Variants in METTL15 observed in about 807,000 individuals in gnomAD.
The protein encoded by METTL15 is methyltransferase 15, mitochondrial 12S rRNA N4-cytidine.
A neutral mutation model predicts 38.3 loss-of-function variants in METTL15; 34 were observed. The observed-to-expected ratio is 0.89, with a 90% CI of 0.68 to 1.18. METTL15 has a LOEUF of 1.18. Ranked by LOEUF, METTL15 falls within the 50% of genes most tolerant of loss-of-function variation. The pLI is 0.00. For missense variants in METTL15, 438 were observed against 498.4 expected (o/e 0.88, Z 1.15); for synonymous variants, 162 against 170.9 (o/e 0.95, Z 0.41).
intron 4 of METTL15, among the ~76,000 whole-genome samples, chr11:28,269,807 A>G (rs1271997479): frequency 6.6e-6 from 1 of 152,214 alleles, no homozygotes; most frequent in Admixed American, 6.5e-5. Flanking sequence ...GCATGGAGTT[A>G]AAGTCCCTTG....
At chr11:28,145,059 A>G in intron 3 of METTL15, 1 of 168,928 alleles carries the variant, frequency 5.9e-6, no homozygotes, top group Non-Finnish European at 1.3e-5. Flanking sequence ...GGCTCTGAAT[A>G]GCTGTCAGGA....
At chr11:28,209,400 C>T (rs952593141) in intron 3 of METTL15, among the ~76,000 whole-genome samples, 1 of 151,732 alleles carries the variant, frequency 6.6e-6, no homozygotes, top group South Asian at 2.1e-4. Flanking sequence ...GCCAATTCAT[C>T]GATGTGTAAA....
chr11:28,492,768 G>C (rs1389268487), intron 6 of METTL15, among the ~76,000 whole-genome samples: 1 of 152,060 alleles, frequency 6.6e-6, no homozygotes, highest in East Asian at 1.9e-4. Context: ...TCTTATGTAA[G>C]TACAGACTGG....
downstream of METTL15, among the ~76,000 whole-genome samples, chr11:28,530,099 T>C (rs1851836116): frequency 6.6e-6 from 1 of 152,130 alleles, no homozygotes; most frequent in Non-Finnish European, 1.5e-5. Flanking sequence ...TGGCCATCTA[T>C]GCAAAGATTA....
intron 4 of METTL15, among the ~76,000 whole-genome samples, chr11:28,228,064 A>C (rs566611500): frequency 3.3e-5 from 5 of 151,990 alleles, no homozygotes; most frequent in Admixed American, 6.6e-5. Context: ...CTTCTGACTT[A>C]GCCAGTATAA....
At chr11:28,218,310 C>T (rs1853005993) in intron 4 of METTL15, among the ~76,000 whole-genome samples, 1 of 152,160 alleles carries the variant, frequency 6.6e-6, no homozygotes, top group Admixed American at 6.5e-5. Flanking sequence ...GTGTTATTCT[C>T]TTTGAAGCAA....
chr11:28,163,109 C>G (rs1590843590), intron 3 of METTL15, among the ~76,000 whole-genome samples: 1 of 151,630 alleles, frequency 6.6e-6, no homozygotes, highest in Admixed American at 6.6e-5. Context: ...TAAATTAGTT[C>G]TAGATGAAAA....
intron 6 of METTL15, among the ~76,000 whole-genome samples, chr11:28,457,733 A>C (rs1275608250): frequency 6.6e-6 from 1 of 152,212 alleles, no homozygotes; most frequent in Admixed American, 6.5e-5. Context: ...AGGTGCTGTA[A>C]GGAGGAGATC....
chr11:28,276,488 T>C (rs1855847540), intron 4 of METTL15, among the ~76,000 whole-genome samples: 1 of 152,122 alleles, frequency 6.6e-6, no homozygotes, highest in Admixed American at 6.5e-5. Context: ...TCTGAAGAAC[T>C]AATATCATTA....
At chr11:28,525,745 C>G (rs960566556) in intron 6 of METTL15, among the ~76,000 whole-genome samples, 1 of 152,252 alleles carries the variant, frequency 6.6e-6, no homozygotes, top group African/African-American at 2.4e-5. Flanking sequence ...CCCAGTGGAT[C>G]CCGCACCGGG....
At chr11:28,200,176 T>C (rs1483150889) in intron 3 of METTL15, among the ~76,000 whole-genome samples, 2 of 152,168 alleles carry the variant, frequency 1.3e-5, no homozygotes, top group African/African-American at 4.8e-5. Context: ...AAAAGCAAAG[T>C]AGGTAATTGT....
rs1194573031 is a variant in METTL15, at chr11:28,330,472, C to G, written c.855C>G (p.Phe285Leu). ...CTACCCATATTGCCACCAAGACTTTCCAGGCTCTTCGCATATTTGTGAACA... is the reference window on the plus strand; with the variant it reads ...CTACCCATATTGCCACCAAGACTTTGCAGGCTCTTCGCATATTTGTGAACA... Reference protein sequence around the residue: ...QRSTHIATKTFQALRIFVNNE... With the variant: ...QRSTHIATKTLQALRIFVNNE... The change falls in exon 7 of 7, where the codon TTC (phenylalanine) becomes TTG (leucine). Residue 285 changes from phenylalanine (F) to leucine (L), a missense_variant. Phe to Leu is a conservative substitution (Grantham distance 22). Coordinates refer to ENST00000407364, the MANE Select transcript of METTL15 (RefSeq NM_001113528.2). The G allele has an allele frequency of 3.2e-6, 5 of 1,551,570 alleles. No individual in the cohort carries two copies. The highest frequency in any genetic ancestry group is 3.5e-6 in the Non-Finnish European group (4 of 1,146,898).
chr11:28,265,563 A>G (rs1247431777), intron 4 of METTL15, among the ~76,000 whole-genome samples: 4 of 152,028 alleles, frequency 2.6e-5, no homozygotes, highest in Non-Finnish European at 5.9e-5. Flanking sequence ...TTTATAATTA[A>G]TAAATATTAA....
chr11:28,334,544 AAG>A (rs1213952311), downstream of METTL15, among the ~76,000 whole-genome samples: 2 of 152,086 alleles, frequency 1.3e-5, no homozygotes, highest in Non-Finnish European at 2.9e-5. Context: ...ACTCTGATCA[AAG>A]ATATATTTTT....
chr11:28,511,439 C>A (rs922675603), intron 6 of METTL15, among the ~76,000 whole-genome samples: 1 of 152,166 alleles, frequency 6.6e-6, no homozygotes, highest in African/African-American at 2.4e-5. Flanking sequence ...TTGGTGGGTT[C>A]TTGGTCTCAC....
rs557749215 is a variant in METTL15, at chr11:28,207,594, G to T, written c.271-3468G>T. On this transcript the variant is annotated intron_variant, in intron 3 of 6. Coordinates refer to ENST00000407364, the MANE Select transcript of METTL15 (RefSeq NM_001113528.2). ...TCTTTTTTTGTTGTGTCTCTGCCCG[G>T]CTTTGGTGTCAGGATGATGCTGGCC... 4.6e-5 allele frequency among the ~76,000 whole-genome samples: 7 copies of T among 152,214 alleles called. No homozygotes were observed. In the East Asian group the frequency reaches 1.4e-3, roughly 29 times the overall value.
intron 6 of METTL15, among the ~76,000 whole-genome samples, chr11:28,476,383 A>G (rs552436223): frequency 1.3e-5 from 2 of 152,310 alleles, no homozygotes; most frequent in African/African-American, 4.8e-5. Flanking sequence ...CCCAGATGGT[A>G]GATAAGGCAA....
intron 3 of METTL15, chr11:28,124,054 G>A (rs984836665): frequency 7.0e-6 from 3 of 430,896 alleles, no homozygotes; most frequent in Admixed American, 4.4e-5. Context: ...AGTGTTTTGT[G>A]CAAAGTATCA....
intron 1 of METTL15, among the ~76,000 whole-genome samples, chr11:28,108,693 A>C (rs922506926): frequency 6.6e-6 from 1 of 152,192 alleles, no homozygotes; most frequent in Non-Finnish European, 1.5e-5. Flanking sequence ...TTCATTTCTC[A>C]GGACTTCCAG....
Sources: gnomAD v4.1 joint callset for allele counts (sites outside exome capture counted in the v4.1 genomes callset) on GRCh38, gnomAD v4.1.1 for gene constraint, MANE v1.5 for transcripts, NCBI Gene and HGNC (gene_info 2026-07-23, HGNC 2026-07-21) for gene names.